HSF2BP: variants seen among roughly 807,000 people sequenced by gnomAD.
HSF2BP encodes heat shock factor 2-binding protein.
Under a neutral mutation model 35.0 loss-of-function variants are expected in HSF2BP, and 35 were observed. The ratio of observed to expected loss-of-function variants is 1.00; its 90% CI spans 0.76 to 1.32. The LOEUF is 1.32. Ranked by LOEUF, HSF2BP falls within the 40% of genes most tolerant of loss-of-function variation. The pLI, the probability that HSF2BP is intolerant of heterozygous loss-of-function variation, is 0.00. For synonymous variants in HSF2BP, 114 were observed against 117.4 expected (o/e 0.97, Z 0.18); for missense variants, 326 against 321.7 (o/e 1.01, Z -0.10).
Position 43,597,606 on chromosome 21 carries a change from G to T in HSF2BP, c.693-5278C>A, listed in dbSNP as rs1320424438. 1.3e-5 allele frequency among the ~76,000 whole-genome samples: 2 copies of T among 152,102 alleles called. No individual in the cohort carries two copies. The highest frequency in any genetic ancestry group is 1.5e-5 in the Non-Finnish European group (1 of 68,026). On this transcript the variant is annotated intron_variant, in intron 7 of 8. Transcript: ENST00000291560. This position sits in a 1 kb window ranked among gnomAD's most constrained non-coding sequence, Gnocchi z 4.3. ...CACAGTCATTATTCACTGCCACCTA[G>T]AATTCCTGGGCTCAAGCAATTCTCC... is the stretch of plus-strand genomic sequence containing the variant.
chr21:43,656,206 C>A (rs910359337), intron 3 of HSF2BP, among the ~76,000 whole-genome samples: 1 of 152,356 alleles, frequency 6.6e-6, no homozygotes, highest in Non-Finnish European at 1.5e-5. Flanking sequence ...AGTGAACACA[C>A]TTCCAGCTAT....
intron 7 of HSF2BP, among the ~76,000 whole-genome samples, chr21:43,604,398 TAC>T (rs200583665): frequency 0.024 from 1,145 of 47,656 alleles, 8 homozygotes; most frequent in African/African-American, 0.035. Context: ...CCACACACAC[TAC>T]ACACACACCA....
At chr21:43,578,312 C>A (rs1467284407) in intron 8 of HSF2BP, among the ~76,000 whole-genome samples, 1 of 151,966 alleles carries the variant, frequency 6.6e-6, no homozygotes, top group African/African-American at 2.4e-5. Context: ...TACTCCTGCC[C>A]AATTAATACA....
At chr21:43,651,678 C>G (rs1026469041) in intron 3 of HSF2BP, among the ~76,000 whole-genome samples, 15 of 152,182 alleles carry the variant, frequency 9.9e-5, no homozygotes, top group African/African-American at 3.4e-4. Context: ...TGCTATACCC[C>G]CAATCCTTAT....
At position 43,655,336 on chromosome 21, in the gene HSF2BP, G is replaced by A. The variant is rs1263517557; in HGVS notation, c.187+1251C>T. Among the ~76,000 whole-genome samples, 9 of 152,188 alleles carry A rather than the reference G, an allele frequency of 5.9e-5. 1 individual carries two copies. The highest frequency in any genetic ancestry group is 5.9e-4 in the Admixed American group (9 of 15,274). On this transcript the variant is annotated intron_variant, in intron 3 of 8. Transcript: ENST00000291560. ...CTGGCATTCTGGCAACCAATGACAC[G>A]CCATGTATCTGGCAGAGTCCCAGTG...
intron 8 of HSF2BP, among the ~76,000 whole-genome samples, chr21:43,586,848 T>C (rs537419433): frequency 3.9e-5 from 6 of 152,270 alleles, no homozygotes; most frequent in South Asian, 4.2e-4. Context: ...TTGCCCAGAC[T>C]GAAGTGCAGT....
At chr21:43,600,692 A>G (rs1001935740) in intron 7 of HSF2BP, among the ~76,000 whole-genome samples, 3 of 152,196 alleles carry the variant, frequency 2.0e-5, no homozygotes, top group African/African-American at 7.2e-5. Context: ...ATTTGTATCT[A>G]TTATGTTACA....
At chr21:43,593,566 T>A (rs1179836946) in intron 7 of HSF2BP, among the ~76,000 whole-genome samples, 1 of 152,078 alleles carries the variant, frequency 6.6e-6, no homozygotes, top group Non-Finnish European at 1.5e-5. Context: ...AACTGGTATG[T>A]TTAATGGGTG....
intron 3 of HSF2BP, among the ~76,000 whole-genome samples, chr21:43,647,928 C>CA (rs774339620): frequency 0.029 from 2,182 of 75,510 alleles, 61 homozygotes; most frequent in Non-Finnish European, 0.05. Flanking sequence ...GACTTCATCT[C>CA]AAAAAAAAAA....
chr21:43,607,784 T>C (rs2082152692), intron 7 of HSF2BP, among the ~76,000 whole-genome samples: 2 of 151,950 alleles, frequency 1.3e-5, no homozygotes, highest in South Asian at 4.2e-4. Flanking sequence ...AACCCAGAAA[T>C]TAAAGCTGCA....
intron 3 of HSF2BP, among the ~76,000 whole-genome samples, chr21:43,645,264 CT>C (rs2082693578): frequency 6.6e-6 from 1 of 152,164 alleles, no homozygotes; most frequent in Non-Finnish European, 1.5e-5. Context: ...CCCTGGAGGA[CT>C]TGATAATACA....
intron 6 of HSF2BP, among the ~76,000 whole-genome samples, chr21:43,624,108 C>A (rs1023006159): frequency 6.6e-6 from 1 of 152,340 alleles, no homozygotes; most frequent in South Asian, 2.1e-4. Context: ...AACAGAGTTA[C>A]TACACCCTGC....
intron 6 of HSF2BP, among the ~76,000 whole-genome samples, chr21:43,620,736 C>A (rs540834747): frequency 2.3e-4 from 35 of 152,040 alleles, no homozygotes; most frequent in African/African-American, 8.4e-4. Flanking sequence ...TCATCACCAT[C>A]ATCACCATCA....
chr21:43,619,472 T>C (rs1247992992), intron 6 of HSF2BP, among the ~76,000 whole-genome samples: 1 of 152,042 alleles, frequency 6.6e-6, no homozygotes, highest in Non-Finnish European at 1.5e-5. Context: ...AGCAGCAATA[T>C]CCCAGAACTC....
chr21:43,611,235 G>A (rs561874705), intron 7 of HSF2BP, among the ~76,000 whole-genome samples: 9 of 152,032 alleles, frequency 5.9e-5, no homozygotes, highest in Admixed American at 2.0e-4. Flanking sequence ...TACAAAGCAA[G>A]ACTCTGTCTC....
Position 43,624,046 on chromosome 21 carries a change from T to C in HSF2BP, c.574+6276A>G, listed in dbSNP as rs554754099. Among the ~76,000 whole-genome samples the C allele has an allele frequency of 4.3e-4, 65 of 152,280 alleles. 3 individuals are homozygous for C. The highest frequency in any genetic ancestry group is 1.6e-3 in the African/African-American group (65 of 41,550). ...ATGGGGAAAGGGAGCCACCAGCACA[T>C]AAAATGGTACAGTCACTGTGGAAAC... is the stretch of plus-strand genomic sequence containing the variant. On this transcript the variant is annotated intron_variant, in intron 6 of 8. Coordinates refer to ENST00000291560, the MANE Select transcript of HSF2BP (RefSeq NM_007031.2).
chr21:43,608,120 C>T (rs1308843044), intron 7 of HSF2BP, among the ~76,000 whole-genome samples: 1 of 103,368 alleles, frequency 9.7e-6, no homozygotes, highest in African/African-American at 3.3e-5. Flanking sequence ...TAAAGAGCTT[C>T]TCCACAGCAA....
At chr21:43,631,137 T>C (rs1207143237) in intron 5 of HSF2BP, among the ~76,000 whole-genome samples, 2 of 152,230 alleles carry the variant, frequency 1.3e-5, no homozygotes, top group Admixed American at 1.3e-4. Context: ...TTTACAATCT[T>C]ACAGTATGTA....
rs763884466 is a variant in HSF2BP, at chr21:43,630,452, A to T, written c.444T>A (p.Asp148Glu). The change falls in exon 6 of 9, where the codon GAT becomes GAA. Residue 148 changes from aspartate to glutamate, a missense_variant and splice_region_variant. By Grantham distance (45) the Asp-to-Glu change is conservative. Coordinates refer to ENST00000291560, the MANE Select transcript of HSF2BP (RefSeq NM_007031.2). ...TGATGCTGAAAAACTTCAAAGCTTTATCCTGAAAGTTTGAAAATCAGAGTG... is the reference window on the plus strand; with the variant it reads ...TGATGCTGAAAAACTTCAAAGCTTTTTCCTGAAAGTTTGAAAATCAGAGTG... ...EEVVKAILGGDKALKFFSITG... is the reference protein window; with the variant it reads ...EEVVKAILGGEKALKFFSITG... 15 of 1,608,926 alleles carry T rather than the reference A, an allele frequency of 9.3e-6. No individual in the cohort carries two copies. Among genetic ancestry groups the T allele is most frequent in the Non-Finnish European group, 1.3e-5 (15 of 1,178,512 alleles).
Sources: gnomAD v4.1 joint callset for allele counts (sites outside exome capture counted in the v4.1 genomes callset) on GRCh38, gnomAD v4.1.1 for gene constraint, Gnocchi (gnomAD v3.1) non-coding constraint, MANE v1.5 for transcripts, NCBI Gene and HGNC (gene_info 2026-07-23, HGNC 2026-07-21) for gene names.